Variants in ZNF619 observed in about 807,000 individuals in gnomAD.
ZNF619 encodes zinc finger protein 619.
Under a neutral mutation model 14.2 loss-of-function variants are expected in ZNF619, and 9 were observed. That is an observed-to-expected ratio of 0.64 (90% CI 0.38 to 1.11). The LOEUF (loss-of-function observed/expected upper bound fraction) is 1.11. Among genes scored for constraint, ZNF619 ranks in the 50% least tolerant of loss-of-function variants. The pLI is 0.01. For synonymous variants in ZNF619, 246 were observed against 252.8 expected, an observed-to-expected ratio of 0.97 and a Z score of 0.26; for missense variants, 659 against 680.1, an observed-to-expected ratio of 0.97 and a Z score of 0.34.
At position 40,481,733 on chromosome 3, in the gene ZNF619, G is replaced by C. The variant is rs543807365; in HGVS notation, c.25-130G>C. 1.3e-5 allele frequency: 16 copies of C among 1,219,728 alleles called. No individual in the cohort carries two copies. In the East Asian group the frequency reaches 4.0e-4, roughly 31 times the overall value. The allele number at this position is 1,219,728 out of a possible 1,614,324, so 75.6% of individuals were successfully genotyped here. A position where few individuals can be genotyped will look rare whatever the true frequency, so the allele number is the denominator to read the frequency against. On this transcript the variant is annotated intron_variant, in intron 2 of 4. Coordinates refer to ENST00000432264, the MANE Select transcript of ZNF619 (RefSeq NM_001145093.4). ...CATGGAAAGTTGGAATGCTGGCTCG[G>C]GGCTGCCCCTGCTGGGGTCCTGTGT...
At chr3:40,482,524 T>C (rs1255197438) in intron 3 of ZNF619, 64 bp from the exon 4 acceptor site, 2 of 1,570,772 alleles carry the variant, frequency 1.3e-6, no homozygotes, top group East Asian at 4.5e-5. Context: ...CAAAGCAGAG[T>C]GTAGTCTGAG....
At chr3:40,479,816 A>G (rs1048707708) in intron 2 of ZNF619, among the ~76,000 whole-genome samples, 2 of 152,116 alleles carry the variant, frequency 1.3e-5, no homozygotes, top group Non-Finnish European at 2.9e-5. Context: ...CATTACCACC[A>G]CACTGCAGTT....
rs541404138 is a variant in ZNF619 at position 40,488,072 on chromosome 3, C to T, written c.1562C>T (p.Ser521Phe). Reference sequence around the variant, plus strand: ...CTAGCCCCACCAGGGCCTCCCTTATCTTCTTCACATGCAGTGGTACTTCCT... The same window carrying T: ...CTAGCCCCACCAGGGCCTCCCTTATTTTCTTCACATGCAGTGGTACTTCCT... ...SALAPPGPPL[S>F]SSHAVVLPPS... Residue 521 changes from serine (S) to phenylalanine (F), a missense_variant, in exon 5 of 5, where the codon TCT (serine) becomes TTT (phenylalanine). Transcript: ENST00000432264. The T allele has an allele frequency of 6.2e-7, 1 of 1,614,234 alleles. No individual in the cohort carries two copies. The highest frequency in any genetic ancestry group is 1.3e-5 in the African/African-American group (1 of 75,066).
In ZNF619 at chr3:40,490,965, T is replaced by C. The variant is rs889309022; in HGVS notation, c.*2724T>C. Reference sequence around the variant, plus strand: ...CCATGTGATGCTTTCCATCATGTTATGACACAGCAAGAAGGCCAGATACGG... The same window carrying C: ...CCATGTGATGCTTTCCATCATGTTACGACACAGCAAGAAGGCCAGATACGG... On this transcript the variant is annotated 3_prime_UTR_variant, in exon 5 of 5. Coordinates refer to ENST00000432264, the MANE Select transcript of ZNF619 (RefSeq NM_001145093.4). 6.6e-6 allele frequency among the ~76,000 whole-genome samples: 1 copy of C among 152,178 alleles called. No individual in the cohort carries two copies. The highest frequency in any genetic ancestry group is 2.4e-5 in the African/African-American group (1 of 41,430).
In ZNF619 at chr3:40,487,938, G is replaced by A; in HGVS notation, c.1428G>A (p.Lys476=). ...ATGCAAGTTTCATCCAGCATCAGAA[G>A]TGGCATACTAGGAAGAAACTCATCA... ...RWNASFIQHQ[K]WHTRKKLING... is the part of the protein sequence containing the mutation. Residue 476 remains lysine, a synonymous_variant, in exon 5 of 5, where the codon AAG becomes AAA. Coordinates refer to ENST00000432264, the MANE Select transcript of ZNF619 (RefSeq NM_001145093.4). 4 of 1,614,186 alleles carry A rather than the reference G, an allele frequency of 2.5e-6. No individual in the cohort carries two copies. Among genetic ancestry groups the A allele is most frequent in the Non-Finnish European group, 3.4e-6 (4 of 1,180,022 alleles).
intron 2 of ZNF619, among the ~76,000 whole-genome samples, chr3:40,481,073 T>A (rs1382422578): frequency 1.3e-5 from 2 of 152,254 alleles, no homozygotes; most frequent in East Asian, 3.8e-4. Flanking sequence ...GAAATAATAA[T>A]TCTTATTTCA....
intron 4 of ZNF619, among the ~76,000 whole-genome samples, chr3:40,484,294 T>C (rs1286253231): frequency 6.6e-6 from 1 of 152,236 alleles, no homozygotes; most frequent in East Asian, 1.9e-4. Flanking sequence ...ATGGAATTTT[T>C]CTAAGTTCAT....
Position 40,477,920 on chromosome 3 carries a change from C to T in ZNF619, c.-60C>T. The T allele has an allele frequency of 4.6e-6, 7 of 1,530,426 alleles. No individual in the cohort carries two copies. Among genetic ancestry groups the T allele is most frequent in the Non-Finnish European group, 6.2e-6 (7 of 1,127,824 alleles). 94.8% of individuals were successfully genotyped at this position (1,530,426 alleles called of 1,614,324 possible). A position where few individuals can be genotyped will look rare whatever the true frequency, so the allele number is the denominator to read the frequency against. On this transcript the variant is annotated splice_region_variant and 5_prime_UTR_variant, in exon 2 of 5. Transcript: ENST00000432264. Reference sequence around the variant, plus strand: ...GTCTCATTGTGGTTCTCTCTTAGCTCCGCAGGTTCTTACTTTTTCAAACCT... The same window carrying T: ...GTCTCATTGTGGTTCTCTCTTAGCTTCGCAGGTTCTTACTTTTTCAAACCT...
At chr3:40,486,634 G>T (rs1697586676) in intron 4 of ZNF619, among the ~76,000 whole-genome samples, 172 bp from the exon 5 acceptor site, 1 of 151,762 alleles carries the variant, frequency 6.6e-6, no homozygotes, top group African/African-American at 2.4e-5. Context: ...CTGGGATGCG[G>T]AGGTTGTGGT....
chr3:40,488,247 G>A lies in ZNF619; in HGVS notation c.*6G>A, dbSNP rs143276223. ...CTTTGTCTCACTCCCTGTAAGCCCC[G>A]TCACGTTCTCAAAATCCTTTGCACC... On this transcript the variant is annotated 3_prime_UTR_variant, in exon 5 of 5. Coordinates refer to ENST00000432264, the MANE Select transcript of ZNF619 (RefSeq NM_001145093.4). 62 of 1,411,034 alleles carry A rather than the reference G, an allele frequency of 4.4e-5. No homozygotes were observed. The highest frequency in any genetic ancestry group is 9.0e-5 in the South Asian group (7 of 77,992). The allele number at this position is 1,411,034 out of a possible 1,614,324, so 87.4% of individuals were successfully genotyped here. A position where few individuals can be genotyped will look rare whatever the true frequency, so the allele number is the denominator to read the frequency against.
chr3:40,486,700 C>CAAAA, intron 4 of ZNF619, 106 bp from the exon 5 acceptor site: 5 of 716,486 alleles, frequency 7.0e-6, no homozygotes, highest in Middle Eastern at 3.8e-4. Flanking sequence ...AAACTCCACT[C>CAAAA]AAAAAAAAAA....
chr3:40,480,499 C>CTTTT (rs36016449), intron 2 of ZNF619, among the ~76,000 whole-genome samples: 34 of 133,022 alleles, frequency 2.6e-4, no homozygotes, highest in African/African-American at 8.7e-4. Flanking sequence ...CTGCATAGTA[C>CTTTT]TTTTTTTTTT....
chr3:40,477,926 G>T lies in ZNF619; in HGVS notation c.-54G>T, dbSNP rs1259194974. ...TTGTGGTTCTCTCTTAGCTCCGCAG[G>T]TTCTTACTTTTTCAAACCTAGAGGG... is the stretch of plus-strand genomic sequence containing the variant. On this transcript the variant is annotated 5_prime_UTR_variant, in exon 2 of 5. Transcript: ENST00000432264. 1 of 1,544,680 alleles carries T rather than the reference G, an allele frequency of 6.5e-7. No homozygotes were observed.
Position 40,482,584 on chromosome 3 carries a change from G to A in ZNF619, c.179-4G>A. 4 of 1,613,874 alleles carry A rather than the reference G, an allele frequency of 2.5e-6. No individual in the cohort carries two copies. The highest frequency in any genetic ancestry group is 2.2e-5 in the East Asian group (1 of 44,856). The stretch of plus-strand genomic sequence containing the variant: ...GCTTCATGTTCCTTTTCTTTCTCCT[G>A]TAGCAGCATTTCCATTCCCCAAACC... On this transcript the variant is annotated splice_region_variant and splice_polypyrimidine_tract_variant and intron_variant, in intron 3 of 4. Transcript: ENST00000432264.
chr3:40,478,153 G>GA, intron 2 of ZNF619, 150 bp downstream of exon 2: 1 of 699,724 alleles, frequency 1.4e-6, no homozygotes, highest in South Asian at 1.9e-5. Flanking sequence ...GTTGACGAAC[G>GA]AGAGTAGGTG....
At chr3:40,485,523 G>A (rs1287032584) in intron 4 of ZNF619, among the ~76,000 whole-genome samples, 3 of 152,038 alleles carry the variant, frequency 2.0e-5, no homozygotes, top group African/African-American at 7.2e-5. Context: ...GGCTGATCTC[G>A]AACTCCTGAA....
chr3:40,483,745 C>T (rs1318122666), intron 4 of ZNF619: 1 of 398,564 alleles, frequency 2.5e-6, no homozygotes, highest in Non-Finnish European at 5.0e-6. Flanking sequence ...TCTCCTGCCT[C>T]AACCTCCCAA....
rs9831997 is a variant in ZNF619 at position 40,478,446 on chromosome 3, T to C, written c.24+443T>C. 6.2e-3 allele frequency among the ~76,000 whole-genome samples: 942 copies of C among 152,246 alleles called. 4 individuals are homozygous for C. The highest frequency in any genetic ancestry group is 0.021 in the African/African-American group (889 of 41,534). ...CCATTTCTGAGGTTAAATAGACACTTCCAAGGGAGGAGTTTACCCTGCAGA... is the reference window on the plus strand; with the variant it reads ...CCATTTCTGAGGTTAAATAGACACTCCCAAGGGAGGAGTTTACCCTGCAGA... On this transcript the variant is annotated intron_variant, in intron 2 of 4. Coordinates refer to ENST00000432264, the MANE Select transcript of ZNF619 (RefSeq NM_001145093.4).
chr3:40,481,208 A>G (rs1330705226), intron 2 of ZNF619, among the ~76,000 whole-genome samples: 1 of 152,216 alleles, frequency 6.6e-6, no homozygotes, highest in African/African-American at 2.4e-5. Context: ...GGGAAGCAGA[A>G]AGAGAGAGAC....
Sources: allele counts gnomAD v4.1 joint callset (sites outside exome capture counted in the v4.1 genomes callset), GRCh38; gene constraint gnomAD v4.1.1; transcripts MANE v1.5; gene names NCBI Gene and HGNC (gene_info 2026-07-23, HGNC 2026-07-21).